Variants in SAP30BP observed in about 807,000 individuals in gnomAD.
The protein encoded by SAP30BP is SAP30 binding protein.
SAP30BP carries 31 observed loss-of-function variants against 46.3 expected under a neutral mutation model. The observed-to-expected ratio is 0.67, with a 90% CI of 0.50 to 0.90. SAP30BP has a LOEUF of 0.90. Ranked by LOEUF, SAP30BP falls within the 40% of genes least tolerant of loss-of-function variation. The probability of loss-of-function intolerance (pLI) is 0.00; values close to 1 mark genes in which losing one functional copy is unlikely to be tolerated. For missense variants in SAP30BP, 312 were observed against 391.0 expected (o/e 0.80, Z 1.70); for synonymous variants, 169 against 144.2 (o/e 1.17, Z -1.23).
intron 3 of SAP30BP, among the ~76,000 whole-genome samples, chr17:75,689,514 G>T (rs1270956968): frequency 6.6e-6 from 1 of 152,272 alleles, no homozygotes; most frequent in South Asian, 2.1e-4. Flanking sequence ...CTTAGGAACT[G>T]GGTGAAAAGC....
intron 2 of SAP30BP, among the ~76,000 whole-genome samples, chr17:75,670,059 C>T (rs777281196): frequency 1.3e-5 from 2 of 152,190 alleles, no homozygotes; most frequent in Non-Finnish European, 2.9e-5. Flanking sequence ...CACGGTGGCT[C>T]ATGCCTGTAA....
At chr17:75,699,725 C>T in intron 4 of SAP30BP, 58 bp from the exon 5 acceptor site, 4 of 1,149,942 alleles carry the variant, frequency 3.5e-6, no homozygotes, top group African/African-American at 3.1e-5. Context: ...TTTTTTTGTC[C>T]ATGTCTGTCC....
rs955313243 is a variant in SAP30BP, at chr17:75,683,211, T to C, written c.265-10229T>C. ...GGTGCACACCACCACGCCTGGCCAA[T>C]TTTTGTATTTTTTTTAGTAGAGCTG... is the stretch of plus-strand genomic sequence containing the variant. On this transcript the variant is annotated intron_variant, in intron 3 of 10. Transcript: ENST00000584667. Among the ~76,000 whole-genome samples the C allele has an allele frequency of 1.6e-4, 24 of 150,540 alleles. 1 individual carries two copies. Among genetic ancestry groups the C allele is most frequent in the African/African-American group, 5.8e-4 (24 of 41,106 alleles).
At chr17:75,690,873 GCA>G in intron 3 of SAP30BP, 1 of 410,902 alleles carries the variant, frequency 2.4e-6, no homozygotes, top group South Asian at 1.8e-5. Flanking sequence ...AACACAGACA[GCA>G]CAGTCTTCTT....
rs374834880 is a variant in SAP30BP at position 75,703,902 on chromosome 17, C to T, written c.601+43C>T. 1.7e-5 allele frequency: 23 copies of T among 1,384,264 alleles called. No individual in the cohort carries two copies. The African/African-American group carries it at 1.8e-4, about 11-fold the overall frequency. The allele number at this position is 1,384,264 out of a possible 1,614,324, so 85.7% of individuals were successfully genotyped here. On this transcript the variant is annotated intron_variant, in intron 8 of 10. Transcript: ENST00000584667. ...CTCCCATATACCTTGTCCGCCCACC[C>T]GACTGTCCCTTTATCCAGTCAGTTG... is the stretch of plus-strand genomic sequence containing the variant.
chr17:75,668,057 G>A (rs926361066), intron 1 of SAP30BP: 1 of 159,666 alleles, frequency 6.3e-6, no homozygotes, highest in African/African-American at 2.4e-5. Flanking sequence ...AGGTTGAGAA[G>A]CACAATGTTA....
chr17:75,700,727 C>T (rs770680425), intron 5 of SAP30BP, among the ~76,000 whole-genome samples: 3 of 152,210 alleles, frequency 2.0e-5, no homozygotes, highest in Non-Finnish European at 4.4e-5. Context: ...TCCCCACCAC[C>T]GCCCTCCAGA....
chr17:75,689,365 C>T (rs2060209523), intron 3 of SAP30BP, among the ~76,000 whole-genome samples: 1 of 152,084 alleles, frequency 6.6e-6, no homozygotes, highest in Admixed American at 6.6e-5. Context: ...GATCTGCGCA[C>T]CTCAGCCTCC....
intron 5 of SAP30BP, among the ~76,000 whole-genome samples, chr17:75,701,255 T>C (rs1027736738): frequency 1.3e-5 from 2 of 152,198 alleles, no homozygotes; most frequent in Non-Finnish European, 2.9e-5. Context: ...GGAGAATCTA[T>C]ATTTAACCCC....
chr17:75,679,200 G>A (rs945954758), intron 3 of SAP30BP, among the ~76,000 whole-genome samples: 1 of 151,996 alleles, frequency 6.6e-6, no homozygotes, highest in African/African-American at 2.4e-5. Context: ...GTTTCACCAT[G>A]TTAGCCAGGA....
At chr17:75,688,080 G>T in intron 3 of SAP30BP, among the ~76,000 whole-genome samples, 1 of 152,190 alleles carries the variant, frequency 6.6e-6, no homozygotes, top group East Asian at 1.9e-4. Context: ...TGAGCATGAG[G>T]GTAGAGGAAG....
Position 75,702,548 on chromosome 17 carries a change from G to A in SAP30BP, c.465G>A (p.Arg155=), listed in dbSNP as rs2060429601. The A allele has an allele frequency of 6.4e-7, 1 of 1,565,498 alleles. No individual in the cohort carries two copies. Reference sequence around the variant, plus strand: ...TGGATATGAACTACATTATCCAAAGGAAGAAAGAATTTCGGAACCCTAGGT... The same window carrying A: ...TGGATATGAACTACATTATCCAAAGAAAGAAAGAATTTCGGAACCCTAGGT... ...EGMDMNYIIQ[R]KKEFRNPSIY... The change falls in exon 6 of 11, where the codon AGG becomes AGA. Residue 155 remains arginine (R), a synonymous_variant. Transcript: ENST00000584667.
At chr17:75,678,398 CTG>C (rs1233645400) in intron 3 of SAP30BP, among the ~76,000 whole-genome samples, 1 of 151,804 alleles carries the variant, frequency 6.6e-6, no homozygotes, top group Non-Finnish European at 1.5e-5. Flanking sequence ...AGTTGTTAGA[CTG>C]TGTTGTTTAG....
intron 3 of SAP30BP, chr17:75,692,334 G>A (rs2060253845): frequency 3.0e-6 from 3 of 985,432 alleles, no homozygotes; most frequent in Non-Finnish European, 2.4e-6. Context: ...ACCTGTCCTC[G>A]AAAAGGTCTT....
intron 3 of SAP30BP, among the ~76,000 whole-genome samples, chr17:75,679,016 C>T (rs374477424): frequency 7.6e-6 from 1 of 131,858 alleles, no homozygotes; most frequent in African/African-American, 2.9e-5. Flanking sequence ...TTTTTTGAGA[C>T]GGAGTCTCGT....
chr17:75,680,978 G>C (rs2060067579), intron 3 of SAP30BP, among the ~76,000 whole-genome samples: 1 of 151,590 alleles, frequency 6.6e-6, no homozygotes. Flanking sequence ...AGGTTGCTGT[G>C]AGCCGAGATC....
At chr17:75,685,443 T>G (rs2148394706) in intron 3 of SAP30BP, among the ~76,000 whole-genome samples, 1 of 152,360 alleles carries the variant, frequency 6.6e-6, no homozygotes, top group South Asian at 2.1e-4. Context: ...GCTTGCCTTC[T>G]TTTTGGCCCT....
intron 4 of SAP30BP, among the ~76,000 whole-genome samples, chr17:75,695,963 G>C (rs1242567040): frequency 1.3e-5 from 2 of 152,108 alleles, no homozygotes; most frequent in Non-Finnish European, 2.9e-5. Context: ...CGTCCCCTGG[G>C]GCCCCCCAGC....
intron 5 of SAP30BP, among the ~76,000 whole-genome samples, chr17:75,702,246 A>T (rs1327351589): frequency 6.6e-6 from 1 of 152,146 alleles, no homozygotes; most frequent in East Asian, 1.9e-4. Context: ...GGATGGTCTC[A>T]ATCTCTGGAC....
Sources: gnomAD v4.1 joint callset for allele counts (sites outside exome capture counted in the v4.1 genomes callset) on GRCh38, gnomAD v4.1.1 for gene constraint, MANE v1.5 for transcripts, NCBI Gene and HGNC (gene_info 2026-07-23, HGNC 2026-07-21) for gene names.